SYNM: variants seen among roughly 807,000 people sequenced by gnomAD.
The protein encoded by SYNM is desmuslin.
Under a neutral mutation model 104.0 loss-of-function variants are expected in SYNM, and 95 were observed. The observed-to-expected ratio is 0.91, with a 90% CI of 0.77 to 1.08. The LOEUF (loss-of-function observed/expected upper bound fraction) is 1.08. Among genes scored for constraint, SYNM ranks in the 50% least tolerant of loss-of-function variants. The probability of loss-of-function intolerance (pLI) is 0.00; values close to 1 mark genes in which losing one functional copy is unlikely to be tolerated. For missense variants in SYNM, 2,150 were observed against 2,052.2 expected, an observed-to-expected ratio of 1.05 and a Z score of -0.92; for synonymous variants, 918 against 869.0, an observed-to-expected ratio of 1.06 and a Z score of -0.99.
Position 99,105,193 on chromosome 15 carries a change from C to T in SYNM, c.-7C>T. 1 of 1,571,466 alleles carries T rather than the reference C, an allele frequency of 6.4e-7. No homozygotes were observed. ...GCCAGCCGCGAGAACCCCGCACGCCCGGCAAGATGCTGTCCTGGCGGCTGC... is the reference window on the plus strand; with the variant it reads ...GCCAGCCGCGAGAACCCCGCACGCCTGGCAAGATGCTGTCCTGGCGGCTGC... On this transcript the variant is annotated 5_prime_UTR_variant, in exon 1 of 4. Transcript: ENST00000336292.
In SYNM at chr15:99,134,633, C is replaced by T. The variant is rs1301448886; in HGVS notation, c.*1575C>T. 1 of 152,070 alleles carries T rather than the reference C, an allele frequency of 6.6e-6. No individual in the cohort carries two copies. The highest frequency in any genetic ancestry group is 1.5e-5 in the Non-Finnish European group (1 of 68,032). 9.4% of individuals were successfully genotyped at this position (152,070 alleles called of 1,614,324 possible). A position where few individuals can be genotyped will look rare whatever the true frequency, so the allele number is the denominator to read the frequency against. ...ACGACAGCACTGGAGGGTCTTCCCTCTCAGATTCACCTGGAGGCCCTCAGA... is the reference window on the plus strand; with the variant it reads ...ACGACAGCACTGGAGGGTCTTCCCTTTCAGATTCACCTGGAGGCCCTCAGA... On this transcript the variant is annotated 3_prime_UTR_variant, in exon 4 of 4. Coordinates refer to ENST00000336292, the MANE Select transcript of SYNM (RefSeq NM_145728.3).
At chr15:99,111,654 C>G (rs1226267122) in intron 1 of SYNM, among the ~76,000 whole-genome samples, 1 of 152,098 alleles carries the variant, frequency 6.6e-6, no homozygotes, top group Non-Finnish European at 1.5e-5. Flanking sequence ...ACTTCAGGAC[C>G]CTTTATATTC....
At chr15:99,108,780 G>T (rs570626146) in intron 1 of SYNM, among the ~76,000 whole-genome samples, 2 of 152,222 alleles carry the variant, frequency 1.3e-5, no homozygotes, top group South Asian at 4.2e-4. Context: ...GCAACTGACC[G>T]CTGGGCGTCC....
At chr15:99,136,962 G>A (rs563109019), downstream of SYNM, 3 of 152,324 alleles carry the variant, frequency 2.0e-5, no homozygotes, top group East Asian at 5.8e-4. Flanking sequence ...TGGCCCCAGG[G>A]TGGTTTTGAT....
downstream of SYNM, chr15:99,136,924 C>G (rs917301670): frequency 6.6e-6 from 1 of 152,304 alleles, no homozygotes; most frequent in Non-Finnish European, 1.5e-5. Flanking sequence ...TTTTCCCCAT[C>G]AATACTGGAG....
chr15:99,137,240 A>T (rs1467742388), downstream of SYNM: 1 of 152,240 alleles, frequency 6.6e-6, no homozygotes, highest in African/African-American at 2.4e-5. Flanking sequence ...GGGGCTGAAG[A>T]CTGCTGTGTA....
chr15:99,118,127 A>G (rs1670238), intron 2 of SYNM, among the ~76,000 whole-genome samples: 22,591 of 152,202 alleles, frequency 0.15, 2,622 homozygotes, highest in African/African-American at 0.32. Flanking sequence ...GTGCTCCGGT[A>G]TAGTCTCGGA....
At position 99,130,850 on chromosome 15, in the gene SYNM, T is replaced by C. The variant is rs781990928; in HGVS notation, c.2490T>C (p.Tyr830=). The C allele has an allele frequency of 6.2e-7, 1 of 1,613,938 alleles. No homozygotes were observed. The highest frequency in any genetic ancestry group is 1.7e-5 in the Admixed American group (1 of 60,014). ...GTGATTCAGAGGGCGAGCAGAGTTATTTTGTGTCCACTCCAGATGAACACC... is the reference window on the plus strand; with the variant it reads ...GTGATTCAGAGGGCGAGCAGAGTTACTTTGTGTCCACTCCAGATGAACACC... ...EAGDSEGEQS[Y]FVSTPDEHPG... is the part of the protein sequence containing the mutation. Residue 830 remains tyrosine (Y), a synonymous_variant, in exon 4 of 4, where the codon TAT becomes TAC. Transcript: ENST00000336292.
intron 2 of SYNM, among the ~76,000 whole-genome samples, chr15:99,118,719 AG>A (rs2067372704): frequency 6.6e-6 from 1 of 152,024 alleles, no homozygotes; most frequent in Admixed American, 6.6e-5. Flanking sequence ...AATAAACATA[AG>A]ATAATAAAAT....
intron 2 of SYNM, among the ~76,000 whole-genome samples, chr15:99,118,561 C>T (rs1269977345): frequency 6.6e-6 from 1 of 152,192 alleles, no homozygotes; most frequent in Non-Finnish European, 1.5e-5. Flanking sequence ...CTCAAATGTA[C>T]TGAACACCTC....
Position 99,130,485 on chromosome 15 carries a change from AG to A in SYNM, c.2126del (p.Ser709ThrfsTer9). On this transcript the variant is annotated frameshift_variant, in exon 4 of 4. Coordinates refer to ENST00000336292, the MANE Select transcript of SYNM (RefSeq NM_145728.3). LOFTEE classifies it high-confidence loss of function. ...SDEAGLDYLLSKDIKEVGLKG... is the reference protein window; with the variant it reads ...SDEAGLDYLLXKDIKEVGLKG... ...TGAAGCTGGCCTGGACTACCTTTTAAGCAAGGATATTAAGGAAGTGGGGCTG... is the reference window on the plus strand; with the variant it reads ...TGAAGCTGGCCTGGACTACCTTTTAACAAGGATATTAAGGAAGTGGGGCTG... 4 of 1,613,962 alleles carry A rather than the reference AG, an allele frequency of 2.5e-6. No individual in the cohort carries two copies. The highest frequency in any genetic ancestry group is 3.4e-6 in the Non-Finnish European group (4 of 1,179,892).
chr15:99,120,719 G>A (rs2067392377), intron 2 of SYNM, among the ~76,000 whole-genome samples: 1 of 152,200 alleles, frequency 6.6e-6, no homozygotes, highest in African/African-American at 2.4e-5. Context: ...TCCAGCACGA[G>A]GCTTCTGGTG....
At chr15:99,107,614 T>C (rs1555482949) in intron 1 of SYNM, among the ~76,000 whole-genome samples, 1 of 152,198 alleles carries the variant, frequency 6.6e-6, no homozygotes, top group Non-Finnish European at 1.5e-5. Flanking sequence ...CAGTGTTCTT[T>C]CTTAGCGGCA....
Position 99,130,268 on chromosome 15 carries a change from A to G in SYNM, c.1908A>G (p.Glu636=). The change falls in exon 4 of 4, where the codon GAA becomes GAG. Residue 636 remains glutamate (E), a synonymous_variant. Transcript: ENST00000336292. The part of the protein sequence containing the change: ...TGSLQGDSMT[E]TVAENIVTSI... ...CTCTGCAAGGCGATTCCATGACAGA[A>G]ACCGTAGCAGAAAACATCGTTACCA... is the stretch of plus-strand genomic sequence containing the variant. The G allele has an allele frequency of 6.2e-7, 1 of 1,613,984 alleles. No homozygotes were observed. The highest frequency in any genetic ancestry group is 8.5e-7 in the Non-Finnish European group (1 of 1,179,894).
chr15:99,139,122 A>G (rs2067907904), downstream of SYNM: 1 of 734,768 alleles, frequency 1.4e-6, no homozygotes, highest in African/African-American at 1.7e-5. Flanking sequence ...TAAAGGATGA[A>G]TTATTTTTAA....
At position 99,105,111 on chromosome 15, in the gene SYNM, C is replaced by T. The variant is rs1340747958; in HGVS notation, c.-89C>T. ...CGGGCCTCCGGGGCAGCGGCGAGGC[C>T]GGAGCGTCGCGGCGGAGAGGACGAG... On this transcript the variant is annotated 5_prime_UTR_variant, in exon 1 of 4. Transcript: ENST00000336292. The T allele has an allele frequency of 1.5e-5, 22 of 1,429,266 alleles. No homozygotes were observed. The highest frequency in any genetic ancestry group is 5.9e-5 in the African/African-American group (4 of 67,380). The allele number at this position is 1,429,266 out of a possible 1,614,324, so 88.5% of individuals were successfully genotyped here.
At chr15:99,119,290 C>A (rs1460205649) in intron 2 of SYNM, among the ~76,000 whole-genome samples, 2 of 152,162 alleles carry the variant, frequency 1.3e-5, no homozygotes, top group Admixed American at 1.3e-4. Context: ...GCTCACAGGG[C>A]GGCAGCATGC....
chr15:99,105,233 A>G lies in SYNM; in HGVS notation c.34A>G (p.Lys12Glu). The change falls in exon 1 of 4, where the codon AAG becomes GAG. Residue 12 changes from lysine (K) to glutamate (E), a missense_variant. Coordinates refer to ENST00000336292, the MANE Select transcript of SYNM (RefSeq NM_145728.3). ...CTGGCGGCTGCAGACGGGCCCCGAG[A>G]AGGCCGAGCTCCAGGAGCTCAACGC... ...LSWRLQTGPEKAELQELNARL... is the reference protein window; with the variant it reads ...LSWRLQTGPEEAELQELNARL... The G allele has an allele frequency of 6.4e-7, 1 of 1,574,378 alleles. No individual in the cohort carries two copies.
rs536628692 is a variant in SYNM at position 99,117,401 on chromosome 15, C to T, written c.935+3686C>T. On this transcript the variant is annotated intron_variant, in intron 2 of 3. Transcript: ENST00000336292. ...GGGCTCTAGAGCTTTGGGTTGGGGTCCCAGCCTCTTATGAGTCACATGGAC... is the reference window on the plus strand; with the variant it reads ...GGGCTCTAGAGCTTTGGGTTGGGGTTCCAGCCTCTTATGAGTCACATGGAC... Among the ~76,000 whole-genome samples the T allele has an allele frequency of 7.2e-5, 11 of 152,252 alleles. No individual in the cohort carries two copies. In the East Asian group the frequency reaches 2.1e-3, roughly 29 times the overall value.
Sources: gnomAD v4.1 joint callset for allele counts (sites outside exome capture counted in the v4.1 genomes callset) on GRCh38, gnomAD v4.1.1 for gene constraint, MANE v1.5 for transcripts, NCBI Gene and HGNC (gene_info 2026-07-23, HGNC 2026-07-21) for gene names.